The following DYRK1A variants were observed in gnomAD, a reference collection of about 807,000 sequenced individuals.
The protein encoded by DYRK1A is dual specificity tyrosine phosphorylation regulated kinase 1A.
Under a neutral mutation model 79.7 loss-of-function variants are expected in DYRK1A, and 9 were observed. That is an observed-to-expected ratio of 0.11 (90% confidence interval 0.07 to 0.20). The LOEUF is 0.20. DYRK1A is among the 10% of genes least tolerant of loss of function. The pLI is 1.00. For synonymous variants in DYRK1A, 349 were observed against 329.7 expected (o/e 1.06, Z -0.63); for missense variants, 622 against 956.0 (o/e 0.65, Z 4.61).
intron 2 of DYRK1A, among the ~76,000 whole-genome samples, chr21:37,430,993 T>G (rs2148453192): frequency 6.6e-6 from 1 of 152,308 alleles, no homozygotes; most frequent in East Asian, 1.9e-4. Context: ...CCTAGATCTT[T>G]TTGACATTCC....
At chr21:37,395,582 C>T (rs960067057) in intron 1 of DYRK1A, among the ~76,000 whole-genome samples, 39 of 152,162 alleles carry the variant, frequency 2.6e-4, no homozygotes, top group African/African-American at 8.7e-4. Context: ...AATTAAATTT[C>T]TCTCCTGGGG....
chr21:37,383,075 CTTTTGCAGT>C (rs2049691048), intron 1 of DYRK1A, among the ~76,000 whole-genome samples: 1 of 152,206 alleles, frequency 6.6e-6, no homozygotes, highest in African/African-American at 2.4e-5. Context: ...TTCCCCACCG[CTTTTGCAGT>C]TAGGATGCAA....
chr21:37,506,023 A>G (rs2053584825), intron 10 of DYRK1A, 76 bp from the exon 11 acceptor site: 2 of 1,500,570 alleles, frequency 1.3e-6, no homozygotes, highest in African/African-American at 1.4e-5. Flanking sequence ...TTTTAATGGT[A>G]TAGCTTCAGA....
chr21:37,515,278 G>A lies in DYRK1A; in HGVS notation c.*2747G>A, dbSNP rs997777786. On this transcript the variant is annotated 3_prime_UTR_variant, in exon 12 of 12. Coordinates refer to ENST00000647188, the MANE Select transcript of DYRK1A (RefSeq NM_001347721.2). Reference sequence around the variant, plus strand: ...AACTGGTCCAGGTCTGGTAGGTATAGTATCAAAGTTGAGTTAAATGTGTAA... The same window carrying A: ...AACTGGTCCAGGTCTGGTAGGTATAATATCAAAGTTGAGTTAAATGTGTAA... The A allele has an allele frequency of 6.6e-6, 1 of 152,606 alleles. No individual in the cohort carries two copies. Among genetic ancestry groups the A allele is most frequent in the African/African-American group, 2.4e-5 (1 of 41,430 alleles). 9.5% of individuals were successfully genotyped at this position (152,606 alleles called of 1,614,324 possible).
chr21:37,464,682 A>G (rs1473185706), intron 2 of DYRK1A, among the ~76,000 whole-genome samples: 1 of 152,238 alleles, frequency 6.6e-6, no homozygotes. Flanking sequence ...AGATTATATA[A>G]TACGGTAGAT....
At chr21:37,377,088 T>C (rs1412095658) in intron 1 of DYRK1A, among the ~76,000 whole-genome samples, 1 of 152,104 alleles carries the variant, frequency 6.6e-6, no homozygotes, top group African/African-American at 2.4e-5. Flanking sequence ...TCAGACATAC[T>C]AAACACACAG....
chr21:37,374,101 T>C (rs899840202), intron 1 of DYRK1A, among the ~76,000 whole-genome samples: 28 of 152,128 alleles, frequency 1.8e-4, no homozygotes, highest in Admixed American at 1.5e-3. Flanking sequence ...TACTGACGCT[T>C]TATTTTCTGA....
chr21:37,432,009 A>C (rs2050789371), intron 2 of DYRK1A, among the ~76,000 whole-genome samples: 2 of 152,220 alleles, frequency 1.3e-5, no homozygotes, highest in African/African-American at 4.8e-5. Context: ...TTTAAACCCT[A>C]AAGTTAATTT....
chr21:37,468,983 C>T (rs7281260), intron 2 of DYRK1A, among the ~76,000 whole-genome samples: 7,913 of 152,132 alleles, frequency 0.052, 727 homozygotes, highest in African/African-American at 0.18. Flanking sequence ...AATGGGCTTA[C>T]AATTCAGTAG....
intron 2 of DYRK1A, among the ~76,000 whole-genome samples, chr21:37,444,070 GC>G (rs1437162131): frequency 6.6e-6 from 1 of 152,088 alleles, no homozygotes; most frequent in African/African-American, 2.4e-5. Flanking sequence ...AGCTTGGTAT[GC>G]CCCCGTTCCT....
At chr21:37,368,569 T>C (rs1470431713) in intron 1 of DYRK1A, among the ~76,000 whole-genome samples, 1 of 152,136 alleles carries the variant, frequency 6.6e-6, no homozygotes. Context: ...TCCGCCCAAA[T>C]TGTCAGAAAA....
intron 2 of DYRK1A, among the ~76,000 whole-genome samples, chr21:37,431,715 C>T (rs1205525532): frequency 7.2e-5 from 11 of 152,098 alleles, no homozygotes; most frequent in Admixed American, 6.5e-5. Flanking sequence ...ACCAGCTATA[C>T]CCCCTAAACT....
intron 1 of DYRK1A, among the ~76,000 whole-genome samples, chr21:37,375,651 G>C (rs369978522): frequency 2.0e-4 from 30 of 147,654 alleles, no homozygotes; most frequent in African/African-American, 6.8e-4. Context: ...TCAGCCTCCC[G>C]AGTAGCTGGA....
Position 37,519,302 on chromosome 21 carries a change from G to T in DYRK1A, c.*6771G>T, listed in dbSNP as rs2053911575. ...TTTCCCTCTCTAGAATCCCAAAGAGGTTCAGATCCCACTGCTCCTCTCATT... is the reference window on the plus strand; with the variant it reads ...TTTCCCTCTCTAGAATCCCAAAGAGTTTCAGATCCCACTGCTCCTCTCATT... On this transcript the variant is annotated 3_prime_UTR_variant, in exon 12 of 12. Transcript: ENST00000647188. 6.6e-6 allele frequency: 1 copy of T among 152,206 alleles called. No individual in the cohort carries two copies. The highest frequency in any genetic ancestry group is 2.4e-5 in the African/African-American group (1 of 41,440). The allele number at this position is 152,206 out of a possible 1,614,324, so 9.4% of individuals were successfully genotyped here.
At chr21:37,445,258 G>A (rs1323363401) in intron 2 of DYRK1A, among the ~76,000 whole-genome samples, 1 of 152,230 alleles carries the variant, frequency 6.6e-6, no homozygotes, top group African/African-American at 2.4e-5. Context: ...TATAGGGAAA[G>A]CAGAATAATT....
At chr21:37,511,878 C>T in intron 11 of DYRK1A, 33 bp from the exon 12 acceptor site, 2 of 1,592,774 alleles carry the variant, frequency 1.3e-6, no homozygotes, top group South Asian at 1.1e-5. Context: ...AAACAGTCCT[C>T]TGAAAAATCC....
At chr21:37,444,762 A>G (rs2051214881) in intron 2 of DYRK1A, among the ~76,000 whole-genome samples, 1 of 152,170 alleles carries the variant, frequency 6.6e-6, no homozygotes, top group Non-Finnish European at 1.5e-5. Flanking sequence ...AGATGAGTAG[A>G]ACATCTAAGT....
At chr21:37,442,876 C>G (rs1226227275) in intron 2 of DYRK1A, among the ~76,000 whole-genome samples, 2 of 152,096 alleles carry the variant, frequency 1.3e-5, no homozygotes, top group Non-Finnish European at 2.9e-5. Context: ...ACTCTGTCAC[C>G]CAGCCTGGAG....
At chr21:37,387,198 T>G (rs150176411) in intron 1 of DYRK1A, among the ~76,000 whole-genome samples, 206 of 152,332 alleles carry the variant, frequency 1.4e-3, no homozygotes, top group African/African-American at 4.6e-3. Flanking sequence ...GCCTTAAGAT[T>G]TAATACATTA....
Sources: gnomAD v4.1 joint callset for allele counts (sites outside exome capture counted in the v4.1 genomes callset) on GRCh38, gnomAD v4.1.1 for gene constraint, MANE v1.5 for transcripts, NCBI Gene and HGNC (gene_info 2026-07-23, HGNC 2026-07-21) for gene names.